USP40: variants seen among roughly 807,000 people sequenced by gnomAD.
USP40 encodes the protein ubiquitin specific peptidase 40, also known as ubiquitin carboxyl-terminal hydrolase 40.
In USP40, 143 loss-of-function variants were observed where a neutral mutation model predicts 166.2. The ratio of observed to expected loss-of-function variants is 0.86; its 90% confidence interval spans 0.75 to 0.99. The LOEUF is 0.99. Among genes scored for constraint, USP40 ranks in the 50% least tolerant of loss-of-function variants. USP40 has a pLI of 0.00. For missense variants in USP40, 1,444 were observed against 1,479.7 expected (o/e 0.98, Z 0.40); for synonymous variants, 498 against 524.0 (o/e 0.95, Z 0.68).
chr2:233,512,061 C>T (rs969570110), intron 19 of USP40: 7 of 314,934 alleles, frequency 2.2e-5, no homozygotes, highest in Non-Finnish European at 3.5e-5. Context: ...ATAAAAATGA[C>T]TTGTTCAAAG....
intron 31 of USP40, 118 bp from the exon 32 acceptor site, chr2:233,477,621 A>G (rs989837524): frequency 8.0e-6 from 7 of 872,056 alleles, no homozygotes; most frequent in South Asian, 7.8e-5. Flanking sequence ...TGCATTTGCA[A>G]TTGCACAGAC....
chr2:233,501,602 G>A (rs2066074254), intron 21 of USP40, among the ~76,000 whole-genome samples: 2 of 152,170 alleles, frequency 1.3e-5, no homozygotes, highest in Non-Finnish European at 2.9e-5. Context: ...AGAATGAGAT[G>A]TGGTCAGATC....
chr2:233,487,803 T>C lies in USP40; in HGVS notation c.3197+436A>G, dbSNP rs535720891. 6.4e-4 allele frequency: 236 copies of C among 370,434 alleles called. 1 individual carries two copies. The highest frequency in any genetic ancestry group is 4.4e-3 in the African/African-American group (206 of 47,310). The allele number at this position is 370,434 out of a possible 1,614,324, so 22.9% of individuals were successfully genotyped here. On this transcript the variant is annotated intron_variant, in intron 28 of 31. Coordinates refer to ENST00000678225, the MANE Select transcript of USP40 (RefSeq NM_001365479.2). ...ATGAATAAACCAAGTACTTATATTCTAGTAGTGGGAGACAGATACTAACAA... is the reference window on the plus strand; with the variant it reads ...ATGAATAAACCAAGTACTTATATTCCAGTAGTGGGAGACAGATACTAACAA...
intron 14 of USP40, 57 bp downstream of exon 14, chr2:233,525,421 G>C: frequency 7.3e-7 from 1 of 1,361,382 alleles, no homozygotes; most frequent in Non-Finnish European, 1.0e-6. Context: ...TCGCAGGTGA[G>C]CCGGACAAAA....
chr2:233,502,865 T>C (rs918654954), intron 21 of USP40, among the ~76,000 whole-genome samples: 59 of 149,090 alleles, frequency 4.0e-4, no homozygotes, highest in African/African-American at 1.2e-3. Flanking sequence ...CTAGAATCCA[T>C]CTATAGGAAA....
At chr2:233,496,041 A>G (rs1370557855) in intron 24 of USP40, among the ~76,000 whole-genome samples, 1 of 152,216 alleles carries the variant, frequency 6.6e-6, no homozygotes, top group Admixed American at 6.5e-5. Context: ...TTAGAAGGAT[A>G]CAGGAGGAAA....
intron 8 of USP40, among the ~76,000 whole-genome samples, chr2:233,548,832 A>G (rs2070251837): frequency 6.6e-6 from 1 of 152,152 alleles, no homozygotes; most frequent in South Asian, 2.1e-4. Flanking sequence ...CTGTGTATGC[A>G]CATGCACAAA....
intron 10 of USP40, among the ~76,000 whole-genome samples, chr2:233,535,901 C>T (rs2068901144): frequency 6.6e-6 from 1 of 151,992 alleles, no homozygotes; most frequent in South Asian, 2.1e-4. Flanking sequence ...ATAAACTTCA[C>T]CACAAAAAAT....
At chr2:233,565,116 A>G (rs563689360) in intron 2 of USP40, among the ~76,000 whole-genome samples, 26 of 152,294 alleles carry the variant, frequency 1.7e-4, no homozygotes, top group African/African-American at 6.0e-4. Flanking sequence ...GAATTAAAAA[A>G]GAAATATATT....
intron 18 of USP40, among the ~76,000 whole-genome samples, chr2:233,518,521 C>T (rs1210610896): frequency 2.1e-5 from 3 of 143,482 alleles, no homozygotes; most frequent in Non-Finnish European, 4.5e-5. Context: ...GAGCGGAGAT[C>T]GTGTCACTGC....
At chr2:233,517,477 C>T (rs1038367782) in intron 18 of USP40, among the ~76,000 whole-genome samples, 7 of 150,168 alleles carry the variant, frequency 4.7e-5, no homozygotes, top group African/African-American at 9.8e-5. Flanking sequence ...CTCTGCCTCC[C>T]GGGTTCACGC....
chr2:233,559,294 G>A (rs1483056967), intron 4 of USP40, among the ~76,000 whole-genome samples: 1 of 152,196 alleles, frequency 6.6e-6, no homozygotes, highest in East Asian at 1.9e-4. Context: ...AGTCAGGACA[G>A]GAATAAAAAG....
intron 31 of USP40, among the ~76,000 whole-genome samples, chr2:233,479,556 C>A (rs143782725): frequency 7.0e-6 from 1 of 143,236 alleles, no homozygotes; most frequent in South Asian, 2.2e-4. Flanking sequence ...GGTGGGACTC[C>A]GTCGCAAAAA....
At chr2:233,492,065 T>C (rs1302502207) in intron 25 of USP40, among the ~76,000 whole-genome samples, 2 of 152,232 alleles carry the variant, frequency 1.3e-5, no homozygotes, top group Non-Finnish European at 2.9e-5. Flanking sequence ...GAATGAAATA[T>C]ATAATCACCT....
intron 6 of USP40, among the ~76,000 whole-genome samples, chr2:233,552,870 G>C (rs2070705365): frequency 6.6e-6 from 1 of 152,168 alleles, no homozygotes; most frequent in Non-Finnish European, 1.5e-5. Flanking sequence ...GTCAGCTATA[G>C]GAATAGTGCT....
At chr2:233,533,374 C>T in intron 11 of USP40, 105 bp downstream of exon 11, 12 of 1,171,330 alleles carry the variant, frequency 1.0e-5, no homozygotes, top group Non-Finnish European at 1.4e-5. Flanking sequence ...TAAAAATGTT[C>T]CAAGAGTAAA....
chr2:233,520,906 T>C (rs1211569667), intron 17 of USP40, 85 bp downstream of exon 17: 1 of 1,451,430 alleles, frequency 6.9e-7, no homozygotes, highest in African/African-American at 1.4e-5. Context: ...GAGACAACTG[T>C]TCTGAAAGAT....
chr2:233,531,162 C>A (rs372166118), intron 11 of USP40, among the ~76,000 whole-genome samples: 25 of 152,160 alleles, frequency 1.6e-4, no homozygotes, highest in African/African-American at 5.1e-4. Flanking sequence ...TACCTTACCA[C>A]GGATTAAAAC....
chr2:233,565,308 AAAG>A lies in USP40; in HGVS notation c.199+45_199+47del, dbSNP rs1243504906. 5.1e-6 allele frequency: 7 copies of A among 1,361,752 alleles called. No homozygotes were observed. The African/African-American group carries it at 7.3e-5, about 14-fold the overall frequency. 84.4% of individuals were successfully genotyped at this position (1,361,752 alleles called of 1,614,324 possible). On this transcript the variant is annotated intron_variant, in intron 2 of 31. Transcript: ENST00000678225. ...TGATTTTGCATAATTAATTACATGT[AAAG>A]AAGATGGTACATATTGCTAGTTAAA...
Sources: gnomAD v4.1 joint callset for allele counts (sites outside exome capture counted in the v4.1 genomes callset) on GRCh38, gnomAD v4.1.1 for gene constraint, MANE v1.5 for transcripts, NCBI Gene and HGNC (gene_info 2026-07-23, HGNC 2026-07-21) for gene names.